KIAA1217: variants seen among roughly 807,000 people sequenced by gnomAD.
KIAA1217 encodes the protein sickle tail protein homolog.
Under a neutral mutation model 163.9 loss-of-function variants are expected in KIAA1217, and 88 were observed. The ratio of observed to expected loss-of-function variants is 0.54; its 90% CI spans 0.45 to 0.64. The LOEUF is 0.64. Ranked by LOEUF, KIAA1217 falls within the 30% of genes least tolerant of loss-of-function variation. The pLI is 0.00. For missense variants in KIAA1217, 2,372 were observed against 2,475.0 expected (o/e 0.96, Z 0.88); for synonymous variants, 903 against 923.1 (o/e 0.98, Z 0.39).
intron 2 of KIAA1217, among the ~76,000 whole-genome samples, chr10:24,165,251 C>T (rs1383030146): frequency 2.0e-5 from 3 of 152,122 alleles, no homozygotes; most frequent in Admixed American, 6.5e-5. Flanking sequence ...TTAGAGGATC[C>T]ACTTGTATCT....
chr10:23,830,848 A>ACACACT (rs1324805253), intron 1 of KIAA1217, among the ~76,000 whole-genome samples: 2 of 150,846 alleles, frequency 1.3e-5, no homozygotes, highest in African/African-American at 4.9e-5. Flanking sequence ...ACACACACAC[A>ACACACT]CTCACTCACA....
intron 2 of KIAA1217, among the ~76,000 whole-genome samples, chr10:24,297,111 G>C (rs1327887982): frequency 6.6e-6 from 1 of 152,178 alleles, no homozygotes; most frequent in Admixed American, 6.5e-5. Context: ...AACATATAAA[G>C]TAAGGAAGAT....
rs1323907468 is a variant in KIAA1217 at position 23,897,831 on chromosome 10, A to T, written c.-320-109394A>T. On this transcript the variant is annotated intron_variant, in intron 1 of 18. Coordinates refer to the KIAA1217 transcript ENST00000376462. The stretch of plus-strand genomic sequence containing the variant: ...TAAAATGTAAATCTTCCTAAATATA[A>T]AAAAGGATTTAAATGTCTATAGTAT... Among the ~76,000 whole-genome samples, 938 of 152,234 alleles carry T rather than the reference A, an allele frequency of 6.2e-3. 11 individuals are homozygous for T. The highest frequency in any genetic ancestry group is 0.021 in the African/African-American group (884 of 41,570).
intron 2 of KIAA1217, among the ~76,000 whole-genome samples, chr10:24,143,743 G>A (rs966726822): frequency 1.1e-4 from 17 of 151,468 alleles, no homozygotes; most frequent in East Asian, 5.8e-4. Flanking sequence ...CTGAGACAGG[G>A]CAGCCTTATT....
In KIAA1217 at chr10:24,531,436, CA is replaced by C. The variant is rs1423601119; in HGVS notation, c.3083-392del. Among the ~76,000 whole-genome samples, 7 of 151,882 alleles carry C rather than the reference CA, an allele frequency of 4.6e-5. No individual in the cohort carries two copies. In the East Asian group the frequency reaches 1.4e-3, roughly 29 times the overall value. ...GGGCTATGGATTTGCCTTTGGGCTT[CA>C]ATTTTTTTTTTTTATCTATCCAAGT... is the stretch of plus-strand genomic sequence containing the variant. On this transcript the variant is annotated intron_variant, in intron 14 of 20. Transcript: ENST00000376454.
intron 2 of KIAA1217, among the ~76,000 whole-genome samples, chr10:24,011,632 G>T (rs919640874): frequency 6.6e-6 from 1 of 152,142 alleles, no homozygotes; most frequent in Non-Finnish European, 1.5e-5. Context: ...AGTTTCTCTT[G>T]AAGCAAAAGA....
intron 2 of KIAA1217, among the ~76,000 whole-genome samples, chr10:24,131,405 A>G (rs1193833700): frequency 6.6e-6 from 1 of 152,230 alleles, no homozygotes; most frequent in Non-Finnish European, 1.5e-5. Flanking sequence ...GAATGTCAGA[A>G]TGAACACAAT....
chr10:23,697,214 A>T (rs1836104434), intron 1 of KIAA1217, among the ~76,000 whole-genome samples: 2 of 152,206 alleles, frequency 1.3e-5, no homozygotes, highest in Non-Finnish European at 2.9e-5. Context: ...TGATAATAAG[A>T]TGATTGGAAT....
intron 1 of KIAA1217, among the ~76,000 whole-genome samples, chr10:23,969,838 G>A (rs1845231347): frequency 6.6e-6 from 1 of 152,172 alleles, no homozygotes; most frequent in Non-Finnish European, 1.5e-5. Flanking sequence ...AGACATACCT[G>A]AGACTGGGTG....
chr10:24,183,844 T>C (rs2066295184), intron 2 of KIAA1217, among the ~76,000 whole-genome samples: 1 of 152,256 alleles, frequency 6.6e-6, no homozygotes, highest in African/African-American at 2.4e-5. Flanking sequence ...ATATGCTATA[T>C]GACAGCCTTT....
intron 2 of KIAA1217, among the ~76,000 whole-genome samples, chr10:24,276,684 A>T (rs1432989923): frequency 6.7e-6 from 1 of 150,016 alleles, no homozygotes; most frequent in Non-Finnish European, 1.5e-5. Flanking sequence ...ATCTCGGCTC[A>T]CAGCAACCTC....
intron 2 of KIAA1217, among the ~76,000 whole-genome samples, chr10:24,256,140 A>C (rs923875372): frequency 6.6e-6 from 1 of 151,298 alleles, no homozygotes. Context: ...AAAAGCAGGC[A>C]CAGTTGCCTG....
chr10:24,489,109 G>C (rs755593443), intron 6 of KIAA1217, among the ~76,000 whole-genome samples: 1 of 152,060 alleles, frequency 6.6e-6, no homozygotes, highest in East Asian at 1.9e-4. Context: ...AGCAAATGGC[G>C]GAACCACCTA....
intron 1 of KIAA1217, among the ~76,000 whole-genome samples, chr10:23,907,710 C>T (rs1173337078): frequency 2.6e-5 from 4 of 152,122 alleles, no homozygotes; most frequent in South Asian, 2.1e-4. Context: ...CTCAGCCTAC[C>T]GACTCAAACG....
At chr10:24,263,615 G>A (rs561882411) in intron 2 of KIAA1217, among the ~76,000 whole-genome samples, 5 of 152,256 alleles carry the variant, frequency 3.3e-5, no homozygotes, top group East Asian at 1.9e-4. Flanking sequence ...TCCCATATGC[G>A]TTCTGGGAGA....
chr10:24,219,341 G>C (rs2069267157), intron 1 of KIAA1217, among the ~76,000 whole-genome samples: 1 of 151,850 alleles, frequency 6.6e-6, no homozygotes, highest in African/African-American at 2.4e-5. Context: ...CGAACTCTTG[G>C]GCTTAAGCGA....
At chr10:23,750,348 C>G (rs1839667831) in intron 1 of KIAA1217, among the ~76,000 whole-genome samples, 1 of 152,192 alleles carries the variant, frequency 6.6e-6, no homozygotes, top group Non-Finnish European at 1.5e-5. Context: ...TGCTGTCCTT[C>G]TCTCTACTGA....
At chr10:23,908,925 G>T (rs1026928424) in intron 1 of KIAA1217, among the ~76,000 whole-genome samples, 4 of 151,968 alleles carry the variant, frequency 2.6e-5, no homozygotes, top group Non-Finnish European at 2.9e-5. Context: ...ATACAAAGAA[G>T]ATGCACAATT....
Position 24,164,788 on chromosome 10 carries a change from A to G in KIAA1217, c.-170-54838A>G, listed in dbSNP as rs572091121. ...CCCCCCTCAGGGATTCTAGGTGGAA[A>G]GGCCCTGCTATCAGAACCAGTTGTG... On this transcript the variant is annotated intron_variant, in intron 2 of 18. Transcript: ENST00000376462. Among the ~76,000 whole-genome samples the G allele has an allele frequency of 1.8e-3, 271 of 152,336 alleles. 1 individual carries two copies. Among genetic ancestry groups the G allele is most frequent in the African/African-American group, 6.3e-3 (263 of 41,580 alleles).
Sources: allele counts gnomAD v4.1 joint callset (sites outside exome capture counted in the v4.1 genomes callset), GRCh38; gene constraint gnomAD v4.1.1; transcripts MANE v1.5; gene names NCBI Gene and HGNC (gene_info 2026-07-23, HGNC 2026-07-21).